The following AGAP1 variants were observed in gnomAD, a reference collection of about 807,000 sequenced individuals.
AGAP1 encodes the protein ArfGAP with GTPase domain, ankyrin repeat and PH domain 1, also known as arf-GAP with GTPase, ANK repeat and PH domain-containing protein 1.
AGAP1 carries 29 observed loss-of-function variants against 105.3 expected under a neutral mutation model. That is an observed-to-expected ratio of 0.28 (90% CI 0.21 to 0.38). The LOEUF is 0.38. AGAP1 is among the 10% of genes least tolerant of loss of function. The pLI is 1.00. For synonymous variants in AGAP1, 509 were observed against 485.9 expected (o/e 1.05, Z -0.63); for missense variants, 998 against 1,165.1 (o/e 0.86, Z 2.09).
chr2:235,521,202 G>A (rs746251959), intron 1 of AGAP1, among the ~76,000 whole-genome samples: 14 of 152,036 alleles, frequency 9.2e-5, no homozygotes, highest in African/African-American at 2.2e-4. Flanking sequence ...TCTCACTTTC[G>A]GTGATAAACT....
At position 235,701,123 on chromosome 2, in the gene AGAP1, T is replaced by C. The variant is rs188567104; in HGVS notation, c.164-8056T>C. On this transcript the variant is annotated intron_variant, in intron 1 of 17. Coordinates refer to ENST00000304032, the MANE Select transcript of AGAP1 (RefSeq NM_001037131.3). This position sits in a 1 kb window ranked among gnomAD's most constrained non-coding sequence, Gnocchi z 4.1. ...ATAATATAGTTATATGTACATATTA[T>C]ATATTATGTATATATGATATGCTCT... Among the ~76,000 whole-genome samples, 1 of 148,000 alleles carries C rather than the reference T, an allele frequency of 6.8e-6. No homozygotes were observed. Among genetic ancestry groups the C allele is most frequent in the African/African-American group, 2.5e-5 (1 of 40,584 alleles).
At chr2:235,634,821 G>T (rs1401549261) in intron 1 of AGAP1, among the ~76,000 whole-genome samples, 2 of 152,162 alleles carry the variant, frequency 1.3e-5, no homozygotes, top group Non-Finnish European at 2.9e-5. Context: ...TTTTCAGAGA[G>T]AATTGAGTTT....
rs111453156 is a variant in AGAP1 at position 235,872,637 on chromosome 2, T to C, written c.1051-10708T>C. Among the ~76,000 whole-genome samples, 1 of 152,194 alleles carries C rather than the reference T, an allele frequency of 6.6e-6. No individual in the cohort carries two copies. The highest frequency in any genetic ancestry group is 2.4e-5 in the African/African-American group (1 of 41,446). On this transcript the variant is annotated intron_variant, in intron 9 of 17. Transcript: ENST00000304032. The surrounding 1 kb of genome is among the most constrained non-coding windows in gnomAD (Gnocchi z 4.5). ...ACTATTTTTAGGGTTTTCCATTTTCTTGGTCCTTAGAGTAGGAAGTGTGAA... is the reference window on the plus strand; with the variant it reads ...ACTATTTTTAGGGTTTTCCATTTTCCTGGTCCTTAGAGTAGGAAGTGTGAA...
At chr2:236,085,215 C>CAAAAA (rs144353985) in intron 16 of AGAP1, among the ~76,000 whole-genome samples, 1 of 58,384 alleles carries the variant, frequency 1.7e-5, no homozygotes, top group African/African-American at 6.5e-5. Flanking sequence ...GACTCCGTCT[C>CAAAAA]AAAAAAAAAA....
rs1324490340 is a variant in AGAP1 at position 235,891,778 on chromosome 2, C to T, written c.1155+8329C>T. Reference sequence around the variant, plus strand: ...CCGGTCCTGGCTCTCTGGGCTTCCTCAGGAGGTCGTTTGGCAGCTGTGAAA... The same window carrying T: ...CCGGTCCTGGCTCTCTGGGCTTCCTTAGGAGGTCGTTTGGCAGCTGTGAAA... On this transcript the variant is annotated intron_variant, in intron 10 of 17. Coordinates refer to ENST00000304032, the MANE Select transcript of AGAP1 (RefSeq NM_001037131.3). This position sits in a 1 kb window ranked among gnomAD's most constrained non-coding sequence, Gnocchi z 4.2. Among the ~76,000 whole-genome samples, 1 of 152,150 alleles carries T rather than the reference C, an allele frequency of 6.6e-6. No homozygotes were observed. Among genetic ancestry groups the T allele is most frequent in the Non-Finnish European group, 1.5e-5 (1 of 68,026 alleles).
At position 235,867,092 on chromosome 2, in the gene AGAP1, G is replaced by A. The variant is rs568846490; in HGVS notation, c.1051-16253G>A. 2.1e-3 allele frequency among the ~76,000 whole-genome samples: 319 copies of A among 152,308 alleles called. 1 individual carries two copies. Among genetic ancestry groups the A allele is most frequent in the African/African-American group, 7.4e-3 (307 of 41,566 alleles). Reference sequence around the variant, plus strand: ...GCTCAGCATGGGAGGCTAAAGGGGCGCTCACCAGGATGGCCAGAGGAAGGG... The same window carrying A: ...GCTCAGCATGGGAGGCTAAAGGGGCACTCACCAGGATGGCCAGAGGAAGGG... On this transcript the variant is annotated intron_variant, in intron 9 of 17. Coordinates refer to ENST00000304032, the MANE Select transcript of AGAP1 (RefSeq NM_001037131.3). This position sits in a 1 kb window ranked among gnomAD's most constrained non-coding sequence, Gnocchi z 5.4.
rs1947885602 is a variant in AGAP1 at position 235,659,639 on chromosome 2, G to A, written c.164-49540G>A. ...GAGAACCTGTGCAGGTCCAGGTGCC[G>A]AGGGCTGTCAGATCCCTGCATCAAC... On this transcript the variant is annotated intron_variant, in intron 1 of 17. Coordinates refer to ENST00000304032, the MANE Select transcript of AGAP1 (RefSeq NM_001037131.3). This position sits in a 1 kb window ranked among gnomAD's most constrained non-coding sequence, Gnocchi z 5.0. 6.6e-6 allele frequency among the ~76,000 whole-genome samples: 1 copy of A among 152,196 alleles called. No individual in the cohort carries two copies. Among genetic ancestry groups the A allele is most frequent in the Admixed American group, 6.5e-5 (1 of 15,288 alleles).
At chr2:235,515,935 C>T (rs781675826) in intron 1 of AGAP1, among the ~76,000 whole-genome samples, 16 of 152,042 alleles carry the variant, frequency 1.1e-4, no homozygotes, top group Non-Finnish European at 1.9e-4. Context: ...CTGCTAGGAG[C>T]GGGGAGAAGT....
At chr2:235,942,082 C>T (rs1471435786) in intron 12 of AGAP1, among the ~76,000 whole-genome samples, 2 of 152,140 alleles carry the variant, frequency 1.3e-5, no homozygotes, top group Non-Finnish European at 2.9e-5. Flanking sequence ...AGCTCATATC[C>T]CCAGCCATGA....
In AGAP1 at chr2:236,096,573, TTTTA is replaced by T. The variant is rs1302597425; in HGVS notation, c.2115-23611_2115-23608del. ...TGCAGACAAATGATGCAGTTTTATT[TTTTA>T]TTTATTTTTTATTTTTTTGGGACAG... On this transcript the variant is annotated intron_variant, in intron 16 of 17. Transcript: ENST00000304032. This position sits in a 1 kb window ranked among gnomAD's most constrained non-coding sequence, Gnocchi z 4.4. 5.9e-5 allele frequency among the ~76,000 whole-genome samples: 9 copies of T among 151,928 alleles called. No individual in the cohort carries two copies. Among genetic ancestry groups the T allele is most frequent in the African/African-American group, 2.2e-4 (9 of 41,374 alleles).
In AGAP1 at chr2:235,615,629, A is replaced by G. The variant is rs1183288384; in HGVS notation, c.164-93550A>G. Among the ~76,000 whole-genome samples the G allele has an allele frequency of 6.6e-6, 1 of 152,216 alleles. No individual in the cohort carries two copies. The highest frequency in any genetic ancestry group is 6.5e-5 in the Admixed American group (1 of 15,278). On this transcript the variant is annotated intron_variant, in intron 1 of 17. Transcript: ENST00000304032. The surrounding 1 kb of genome is among the most constrained non-coding windows in gnomAD (Gnocchi z 5.0). ...CTTTCCTCTGCTCCCCTGACTTCAC[A>G]GGATAGCTATGCATTTTGCCTCTTG...
At chr2:235,844,468 G>C (rs964622463) in intron 9 of AGAP1, among the ~76,000 whole-genome samples, 2 of 152,262 alleles carry the variant, frequency 1.3e-5, no homozygotes, top group Admixed American at 1.3e-4. Context: ...TTAAATGTTG[G>C]CAACTGATTC....
In AGAP1 at chr2:236,040,855, G is replaced by A. The variant is rs1434378843; in HGVS notation, c.1891+14G>A. ...GCGAGACCCAGAGTAAGTGTGTGCG[G>A]TGGTAGCAGGGGCTGGCGCTGTGTA... On this transcript the variant is annotated intron_variant, in intron 15 of 17. Transcript: ENST00000304032. The surrounding 1 kb of genome is among the most constrained non-coding windows in gnomAD (Gnocchi z 5.6). The A allele has an allele frequency of 1.2e-6, 2 of 1,613,998 alleles. No individual in the cohort carries two copies. Among genetic ancestry groups the A allele is most frequent in the Admixed American group, 3.3e-5 (2 of 60,028 alleles).
rs2058818835 is a variant in AGAP1, at chr2:236,082,726, T to C, written c.2114+33445T>C. ...CTGTCTCTACTAAAAATACAAAAATTAGCCTGGCGCGGTGGCAGGCACCTA... is the reference window on the plus strand; with the variant it reads ...CTGTCTCTACTAAAAATACAAAAATCAGCCTGGCGCGGTGGCAGGCACCTA... On this transcript the variant is annotated intron_variant, in intron 16 of 17. Transcript: ENST00000304032. This position sits in a 1 kb window ranked among gnomAD's most constrained non-coding sequence, Gnocchi z 4.2. Among the ~76,000 whole-genome samples the C allele has an allele frequency of 6.7e-6, 1 of 149,756 alleles. No individual in the cohort carries two copies. Among genetic ancestry groups the C allele is most frequent in the East Asian group, 2.0e-4 (1 of 5,012 alleles).
At chr2:235,525,074 T>C (rs1287179360) in intron 1 of AGAP1, among the ~76,000 whole-genome samples, 1 of 152,262 alleles carries the variant, frequency 6.6e-6, no homozygotes, top group East Asian at 1.9e-4. Context: ...GCGTGAAATT[T>C]ACAACAGAAA....
At position 235,866,868 on chromosome 2, in the gene AGAP1, G is replaced by A. The variant is rs761836068; in HGVS notation, c.1051-16477G>A. Reference sequence around the variant, plus strand: ...TAAGGACAACAGTCATATTGGATTAGGGCCCATCCTAACAGCCTTATTTTA... The same window carrying A: ...TAAGGACAACAGTCATATTGGATTAAGGCCCATCCTAACAGCCTTATTTTA... On this transcript the variant is annotated intron_variant, in intron 9 of 17. Transcript: ENST00000304032. This position sits in a 1 kb window ranked among gnomAD's most constrained non-coding sequence, Gnocchi z 6.1. Among the ~76,000 whole-genome samples, 5 of 152,154 alleles carry A rather than the reference G, an allele frequency of 3.3e-5. No individual in the cohort carries two copies. The highest frequency in any genetic ancestry group is 5.9e-5 in the Non-Finnish European group (4 of 68,036).
chr2:236,080,969 C>T lies in AGAP1; in HGVS notation c.2114+31688C>T, dbSNP rs973274035. Among the ~76,000 whole-genome samples the T allele has an allele frequency of 6.6e-6, 1 of 152,198 alleles. No individual in the cohort carries two copies. The highest frequency in any genetic ancestry group is 1.9e-4 in the East Asian group (1 of 5,200). On this transcript the variant is annotated intron_variant, in intron 16 of 17. Coordinates refer to ENST00000304032, the MANE Select transcript of AGAP1 (RefSeq NM_001037131.3). This position sits in a 1 kb window ranked among gnomAD's most constrained non-coding sequence, Gnocchi z 4.2. ...TTAACCGTATCTGCAGTTAGGTTGCCATGTAAGGTCACATAGTCACAGGTC... is the reference window on the plus strand; with the variant it reads ...TTAACCGTATCTGCAGTTAGGTTGCTATGTAAGGTCACATAGTCACAGGTC...
chr2:235,739,812 T>C lies in AGAP1; in HGVS notation c.311-1151T>C, dbSNP rs1450312507. 6.6e-6 allele frequency among the ~76,000 whole-genome samples: 1 copy of C among 152,160 alleles called. No homozygotes were observed. The highest frequency in any genetic ancestry group is 1.5e-5 in the Non-Finnish European group (1 of 68,038). On this transcript the variant is annotated intron_variant, in intron 3 of 17. Coordinates refer to ENST00000304032, the MANE Select transcript of AGAP1 (RefSeq NM_001037131.3). This position sits in a 1 kb window ranked among gnomAD's most constrained non-coding sequence, Gnocchi z 5.3. ...CTCTGATTTTTTGCTTCTCAGGCAC[T>C]GATGTGGTTCAGACCCAGGATTCTA...
chr2:236,078,037 T>TGTGTGTGTG lies in AGAP1; in HGVS notation c.2114+28756_2114+28757insGTGTGTGTG, dbSNP rs1553564114. Among the ~76,000 whole-genome samples the TGTGTGTGTG allele has an allele frequency of 7.1e-6, 1 of 140,414 alleles. No individual in the cohort carries two copies. The highest frequency in any genetic ancestry group is 7.2e-5 in the Admixed American group (1 of 13,962). 92.1% of individuals were successfully genotyped at this position (140,414 alleles called of 152,430 possible). Reference sequence around the variant, plus strand: ...AGGGTTCTCCAGAGAAACAACCAATTTGTGTGTGTGTGTGTGTGTGTGTGT... The same window carrying TGTGTGTGTG: ...AGGGTTCTCCAGAGAAACAACCAATTGTGTGTGTGTGTGTGTGTGTGTGTGTGTGTGTGT... On this transcript the variant is annotated intron_variant, in intron 16 of 17. Coordinates refer to ENST00000304032, the MANE Select transcript of AGAP1 (RefSeq NM_001037131.3). The surrounding 1 kb of genome is among the most constrained non-coding windows in gnomAD (Gnocchi z 5.3).
Sources: allele counts gnomAD v4.1 joint callset (sites outside exome capture counted in the v4.1 genomes callset), GRCh38; gene constraint gnomAD v4.1.1; non-coding constraint Gnocchi (gnomAD v3.1); transcripts MANE v1.5; gene names NCBI Gene and HGNC (gene_info 2026-07-23, HGNC 2026-07-21).